Variants in CNTNAP2 observed in about 807,000 individuals in gnomAD.
CNTNAP2 encodes the protein contactin associated protein 2, also known as contactin-associated protein-like 2.
CNTNAP2 carries 98 observed loss-of-function variants against 155.2 expected under a neutral mutation model. The observed-to-expected ratio is 0.63, with a 90% CI of 0.54 to 0.75. The LOEUF (loss-of-function observed/expected upper bound fraction) is 0.75. Ranked by LOEUF, CNTNAP2 falls within the 30% of genes least tolerant of loss-of-function variation. The pLI is 0.00. For missense variants in CNTNAP2, 1,727 were observed against 1,688.1 expected (o/e 1.02, Z -0.40); for synonymous variants, 651 against 631.2 (o/e 1.03, Z -0.47).
intron 1 of CNTNAP2, among the ~76,000 whole-genome samples, chr7:146,172,398 A>G (rs1052215464): frequency 4.6e-5 from 7 of 152,112 alleles, no homozygotes; most frequent in East Asian, 1.9e-4. Flanking sequence ...CAGCATATCA[A>G]TAGTACCAAG....
intron 1 of CNTNAP2, among the ~76,000 whole-genome samples, chr7:146,617,045 A>G (rs116935060): frequency 0.035 from 4,267 of 121,426 alleles, 83 homozygotes; most frequent in South Asian, 0.057. Context: ...TTTGAGACGG[A>G]GTCTCGCTCT....
chr7:146,712,424 G>A (rs540479781), intron 1 of CNTNAP2, among the ~76,000 whole-genome samples: 2 of 142,848 alleles, frequency 1.4e-5, no homozygotes, highest in South Asian at 2.2e-4. Context: ...AAATTGCTTG[G>A]TGCCAAAGCA....
intron 1 of CNTNAP2, among the ~76,000 whole-genome samples, chr7:146,573,910 A>G (rs1402988521): frequency 2.0e-5 from 3 of 152,196 alleles, no homozygotes. Flanking sequence ...AAAAAAATGC[A>G]TGTTATATTA....
At chr7:147,420,278 C>A (rs1797267674) in intron 10 of CNTNAP2, among the ~76,000 whole-genome samples, 1 of 152,074 alleles carries the variant, frequency 6.6e-6, no homozygotes, top group Non-Finnish European at 1.5e-5. Flanking sequence ...CCCAGTCATT[C>A]TAAGGTATTA....
intron 1 of CNTNAP2, among the ~76,000 whole-genome samples, chr7:146,639,286 C>T (rs1799664958): frequency 6.6e-6 from 1 of 152,148 alleles, no homozygotes; most frequent in Non-Finnish European, 1.5e-5. Flanking sequence ...AAAGCTGAAG[C>T]ACATTACCGG....
chr7:147,416,641 T>C (rs77325234), intron 10 of CNTNAP2, among the ~76,000 whole-genome samples: 1 of 152,200 alleles, frequency 6.6e-6, no homozygotes, highest in Non-Finnish European at 1.5e-5. Context: ...TAGTAATATG[T>C]TGCTCATCAA....
intron 3 of CNTNAP2, among the ~76,000 whole-genome samples, chr7:147,036,678 G>T (rs936403476): frequency 2.6e-5 from 4 of 152,144 alleles, no homozygotes; most frequent in African/African-American, 9.6e-5. Context: ...GATAAATTTG[G>T]CTGGCATTTT....
chr7:147,032,027 T>A (rs893193220), intron 3 of CNTNAP2, among the ~76,000 whole-genome samples: 1 of 152,228 alleles, frequency 6.6e-6, no homozygotes, highest in Non-Finnish European at 1.5e-5. Context: ...ATGAGACTAA[T>A]TTCTGGGATA....
rs1245513689 is a variant in CNTNAP2, at chr7:148,363,845, G to GCGTGCGGCA, written c.3476-19797_3476-19796insCACGTGCGG. 8.0e-3 allele frequency among the ~76,000 whole-genome samples: 801 copies of GCGTGCGGCA among 99,920 alleles called. 18 individuals are homozygous for GCGTGCGGCA. Among genetic ancestry groups the GCGTGCGGCA allele is most frequent in the African/African-American group, 0.024 (729 of 30,238 alleles). 65.6% of individuals were successfully genotyped at this position (99,920 alleles called of 152,430 possible). On this transcript the variant is annotated intron_variant, in intron 21 of 23. Transcript: ENST00000361727. Reference sequence around the variant, plus strand: ...AGAGGCACGAGCGGGAACTGGGGCTGCGTGCGGGCCAGCTGGAGTTCCGGG... The same window carrying GCGTGCGGCA: ...AGAGGCACGAGCGGGAACTGGGGCTGCGTGCGGCACGTGCGGGCCAGCTGGAGTTCCGGG...
Position 148,417,688 on chromosome 7 carries a change from C to T in CNTNAP2, c.*2072C>T, listed in dbSNP as rs970680308. On this transcript the variant is annotated 3_prime_UTR_variant, in exon 24 of 24. Coordinates refer to ENST00000361727, the MANE Select transcript of CNTNAP2 (RefSeq NM_014141.6). ...TAAACATGATGTTTTAGAAGTGTTT[C>T]TGATTTTTAAACCTGGTTTACAGGT... is the stretch of plus-strand genomic sequence containing the variant. The T allele has an allele frequency of 6.6e-6, 1 of 152,126 alleles. No homozygotes were observed. Among genetic ancestry groups the T allele is most frequent in the Non-Finnish European group, 1.5e-5 (1 of 68,006 alleles). The allele number at this position is 152,126 out of a possible 1,614,324, so 9.4% of individuals were successfully genotyped here.
chr7:148,226,505 G>C (rs1307035506), intron 19 of CNTNAP2, among the ~76,000 whole-genome samples: 1 of 152,224 alleles, frequency 6.6e-6, no homozygotes, highest in Non-Finnish European at 1.5e-5. Flanking sequence ...AACATCTGGA[G>C]CTGGTGATCA....
chr7:147,987,055 T>G (rs1801631205), intron 15 of CNTNAP2, among the ~76,000 whole-genome samples: 1 of 152,112 alleles, frequency 6.6e-6, no homozygotes, highest in Admixed American at 6.5e-5. Context: ...TACTAACAAC[T>G]GAGAAGCAGT....
chr7:148,236,741 T>A (rs1563006311), intron 20 of CNTNAP2, among the ~76,000 whole-genome samples: 1 of 152,246 alleles, frequency 6.6e-6, no homozygotes, highest in Non-Finnish European at 1.5e-5. Context: ...ACAAGACGCA[T>A]AGCAGCTTCT....
At chr7:146,129,506 T>G (rs1480246618) in intron 1 of CNTNAP2, among the ~76,000 whole-genome samples, 1 of 152,182 alleles carries the variant, frequency 6.6e-6, no homozygotes, top group Non-Finnish European at 1.5e-5. Context: ...TTGTACTGTG[T>G]CAACTGCTCC....
At chr7:146,171,879 T>A (rs1208301388) in intron 1 of CNTNAP2, among the ~76,000 whole-genome samples, 1 of 152,052 alleles carries the variant, frequency 6.6e-6, no homozygotes, top group Non-Finnish European at 1.5e-5. Context: ...TCACCTTGAA[T>A]ATGGAATCTA....
intron 11 of CNTNAP2, among the ~76,000 whole-genome samples, chr7:147,496,342 A>G (rs559573989): frequency 1.3e-5 from 2 of 152,166 alleles, no homozygotes; most frequent in Non-Finnish European, 2.9e-5. Flanking sequence ...AAGTTTTCCC[A>G]TAACAGGTTA....
chr7:146,505,109 G>C (rs143740231), intron 1 of CNTNAP2, among the ~76,000 whole-genome samples: 1 of 152,268 alleles, frequency 6.6e-6, no homozygotes, highest in East Asian at 1.9e-4. Flanking sequence ...ATCCAAAGCT[G>C]CCCATGTTGC....
At chr7:146,902,841 G>A (rs1585147273) in intron 3 of CNTNAP2, among the ~76,000 whole-genome samples, 1 of 152,160 alleles carries the variant, frequency 6.6e-6, no homozygotes, top group African/African-American at 2.4e-5. Context: ...TCTGTTTCCC[G>A]AGATGGGCCC....
chr7:147,018,909 C>G (rs1327621015), intron 3 of CNTNAP2, among the ~76,000 whole-genome samples: 36 of 151,982 alleles, frequency 2.4e-4, no homozygotes, highest in Admixed American at 2.4e-3. Context: ...AGAATCAGAA[C>G]TAATACCTCA....
Sources: allele counts gnomAD v4.1 joint callset (sites outside exome capture counted in the v4.1 genomes callset), GRCh38; gene constraint gnomAD v4.1.1; transcripts MANE v1.5; gene names NCBI Gene and HGNC (gene_info 2026-07-23, HGNC 2026-07-21).